ERAP1: variants seen among roughly 807,000 people sequenced by gnomAD.
ERAP1 encodes the protein endoplasmic reticulum aminopeptidase 1.
Under a neutral mutation model 103.7 loss-of-function variants are expected in ERAP1, and 86 were observed. The ratio of observed to expected loss-of-function variants is 0.83; its 90% CI spans 0.70 to 0.99. ERAP1 has a LOEUF of 0.99. ERAP1 is among the 50% of genes least tolerant of loss of function. The probability of loss-of-function intolerance (pLI) is 0.00; values close to 1 mark genes in which losing one functional copy is unlikely to be tolerated. For missense variants in ERAP1, 1,009 were observed against 1,128.4 expected, an observed-to-expected ratio of 0.89 and a Z score of 1.52; for synonymous variants, 398 against 402.4, an observed-to-expected ratio of 0.99 and a Z score of 0.13.
chr5:96,821,736 C>T, the ERAP1 span, among the ~76,000 whole-genome samples: 1 of 152,092 alleles, frequency 6.6e-6, no homozygotes, highest in Non-Finnish European at 1.5e-5. Flanking sequence ...GAACACAGCT[C>T]AATAGGAAGA....
the ERAP1 span, among the ~76,000 whole-genome samples, chr5:96,877,044 G>A: frequency 6.6e-6 from 1 of 152,092 alleles, no homozygotes; most frequent in Non-Finnish European, 1.5e-5. Flanking sequence ...GCACGATCTC[G>A]GCTCACTGCA....
chr5:96,780,353 G>T, intron 18 of ERAP1, 70 bp downstream of exon 18: 1 of 1,134,026 alleles, frequency 8.8e-7, no homozygotes, highest in Non-Finnish European at 1.2e-6. Context: ...AAAGTATTTT[G>T]TCTACCCCAT....
rs1208842521 is a variant in ERAP1 at position 96,774,532 on chromosome 5, GT to G, written c.*1863del. ...ATTATCAAAAAGGTTTCTGCACATT[GT>G]TGTGGCAATATTGTATCTGTTTAGA... On this transcript the variant is annotated 3_prime_UTR_variant, in exon 19 of 19. Coordinates refer to ENST00000443439, the MANE Select transcript of ERAP1 (RefSeq NM_001040458.3). 12 of 985,988 alleles carry G rather than the reference GT, an allele frequency of 1.2e-5. No homozygotes were observed. The African/African-American group carries it at 2.1e-4, about 17-fold the overall frequency. The allele number at this position is 985,988 out of a possible 1,614,324, so 61.1% of individuals were successfully genotyped here.
At chr5:96,870,263 A>G in the ERAP1 span, among the ~76,000 whole-genome samples, 77 of 152,322 alleles carry the variant, frequency 5.1e-4, no homozygotes, top group African/African-American at 1.7e-3. Context: ...GAATATGAAC[A>G]TCAGACACAA....
At chr5:96,879,716 C>T in the ERAP1 span, 24 of 1,613,980 alleles carry the variant, frequency 1.5e-5, no homozygotes, top group Non-Finnish European at 2.0e-5. Flanking sequence ...GGTTAATTCA[C>T]ACAGAAAACC....
chr5:96,889,718 C>A, the ERAP1 span, among the ~76,000 whole-genome samples: 1 of 152,098 alleles, frequency 6.6e-6, no homozygotes, highest in Non-Finnish European at 1.5e-5. Flanking sequence ...CGGACATCAA[C>A]GCTCTCATCC....
chr5:96,790,670 A>T (rs931470205), intron 8 of ERAP1, 27 bp from the exon 9 acceptor site: 2 of 1,596,532 alleles, frequency 1.3e-6, no homozygotes, highest in Admixed American at 1.7e-5. Flanking sequence ...AATAATTGTT[A>T]TCTATAGTTT....
At chr5:96,765,132 C>T (rs1769392831) in intron 19 of ERAP1, 1 of 754,038 alleles carries the variant, frequency 1.3e-6, no homozygotes, top group Non-Finnish European at 2.3e-6. Context: ...GAAACAGGTT[C>T]CCTCCTGAAA....
the ERAP1 span, among the ~76,000 whole-genome samples, chr5:96,872,182 A>G: frequency 6.6e-6 from 1 of 152,084 alleles, no homozygotes; most frequent in Non-Finnish European, 1.5e-5. Flanking sequence ...CTACTTTTTA[A>G]ACTATAAGTT....
chr5:96,796,459 T>A (rs1777353157), intron 4 of ERAP1, among the ~76,000 whole-genome samples: 1 of 152,130 alleles, frequency 6.6e-6, no homozygotes, highest in African/African-American at 2.4e-5. Context: ...TAGCCAGAAA[T>A]CCCCTGCCAG....
chr5:96,801,463 G>GA (rs34623658), intron 2 of ERAP1, among the ~76,000 whole-genome samples: 72,277 of 140,100 alleles, frequency 0.52, 18,209 homozygotes, highest in Non-Finnish European at 0.55. Context: ...GTCTCGGGAA[G>GA]AAAAAAAAAA....
the ERAP1 span, among the ~76,000 whole-genome samples, chr5:96,882,050 C>T: frequency 2.6e-5 from 4 of 152,180 alleles, no homozygotes; most frequent in African/African-American, 9.6e-5. Flanking sequence ...GCTCACTGCA[C>T]AGCCTGCAGC....
chr5:96,768,162 C>T (rs1770731506), intron 19 of ERAP1, among the ~76,000 whole-genome samples: 1 of 152,150 alleles, frequency 6.6e-6, no homozygotes, highest in Admixed American at 6.5e-5. Context: ...CAGCTTACTG[C>T]GATCTCTGCT....
At chr5:96,837,129 T>C in the ERAP1 span, among the ~76,000 whole-genome samples, 1 of 152,194 alleles carries the variant, frequency 6.6e-6, no homozygotes, top group Non-Finnish European at 1.5e-5. Context: ...AGTGTAGATA[T>C]GTAGGCATCA....
chr5:96,789,589 A>T (rs1290753436), intron 10 of ERAP1, among the ~76,000 whole-genome samples: 1 of 152,228 alleles, frequency 6.6e-6, no homozygotes, highest in Non-Finnish European at 1.5e-5. Flanking sequence ...GAAAGTAAAC[A>T]TATAAAAAGA....
the ERAP1 span, chr5:96,908,900 G>A: frequency 6.7e-7 from 1 of 1,493,022 alleles, no homozygotes; most frequent in African/African-American, 1.4e-5. Context: ...TTGTTTTAAT[G>A]TTAAAAATAT....
At chr5:96,897,571 T>C in the ERAP1 span, among the ~76,000 whole-genome samples, 2 of 152,168 alleles carry the variant, frequency 1.3e-5, no homozygotes, top group African/African-American at 4.8e-5. Flanking sequence ...GCACCTAGCA[T>C]ATGTTGATCT....
At chr5:96,807,007 C>T (rs1447382480) in intron 1 of ERAP1, among the ~76,000 whole-genome samples, 1 of 151,876 alleles carries the variant, frequency 6.6e-6, no homozygotes, top group South Asian at 2.1e-4. Flanking sequence ...AATTGTTGAC[C>T]ACGTCCTGAG....
At chr5:96,904,542 A>G in the ERAP1 span, among the ~76,000 whole-genome samples, 1 of 152,184 alleles carries the variant, frequency 6.6e-6, no homozygotes, top group Non-Finnish European at 1.5e-5. Context: ...AACATCTTGG[A>G]GGCATAGCTC....
Sources: allele counts gnomAD v4.1 joint callset (sites outside exome capture counted in the v4.1 genomes callset), GRCh38; gene constraint gnomAD v4.1.1; transcripts MANE v1.5; gene names NCBI Gene and HGNC (gene_info 2026-07-23, HGNC 2026-07-21).